Variants in PTGFRN observed in about 807,000 individuals in gnomAD.
The protein encoded by PTGFRN is prostaglandin F2 receptor inhibitor.
PTGFRN carries 35 observed loss-of-function variants against 83.2 expected under a neutral mutation model. That is an observed-to-expected ratio of 0.42 (90% CI 0.32 to 0.56). The LOEUF (loss-of-function observed/expected upper bound fraction) is 0.56, where lower values mean the gene tolerates loss of function less well. Ranked by LOEUF, PTGFRN falls within the 20% of genes least tolerant of loss-of-function variation. The probability of loss-of-function intolerance (pLI) is 0.11; values close to 1 mark genes in which losing one functional copy is unlikely to be tolerated. For synonymous variants in PTGFRN, 519 were observed against 498.6 expected, an observed-to-expected ratio of 1.04 and a Z score of -0.55; for missense variants, 1,051 against 1,179.5, an observed-to-expected ratio of 0.89 and a Z score of 1.60.
intron 7 of PTGFRN, among the ~76,000 whole-genome samples, chr1:116,984,001 G>A (rs1651392581): frequency 6.6e-6 from 1 of 152,192 alleles, no homozygotes; most frequent in South Asian, 2.1e-4. Flanking sequence ...GAGGCTGTTA[G>A]AATCTTAATT....
intron 8 of PTGFRN, among the ~76,000 whole-genome samples, chr1:116,985,577 C>A (rs1651447445): frequency 6.6e-6 from 1 of 151,958 alleles, no homozygotes; most frequent in Admixed American, 6.6e-5. Flanking sequence ...GGAGTGGTGG[C>A]GGGTGCCTGT....
At chr1:116,914,549 G>A (rs765164243) in intron 1 of PTGFRN, among the ~76,000 whole-genome samples, 2 of 152,064 alleles carry the variant, frequency 1.3e-5, no homozygotes, top group Non-Finnish European at 1.5e-5. Context: ...TCAGGAGATC[G>A]AGACCGGCCT....
chr1:116,948,552 G>C (rs996025787), intron 3 of PTGFRN, among the ~76,000 whole-genome samples: 1 of 152,100 alleles, frequency 6.6e-6, no homozygotes, highest in African/African-American at 2.4e-5. Flanking sequence ...TCACTTTCCT[G>C]GCCCTTCTGT....
chr1:116,948,569 T>C (rs1650258178), intron 3 of PTGFRN, among the ~76,000 whole-genome samples: 2 of 152,200 alleles, frequency 1.3e-5, no homozygotes, highest in African/African-American at 4.8e-5. Flanking sequence ...CTGTTTAGGA[T>C]TTTTCCCTTT....
rs1650074056 is a variant in PTGFRN at position 116,941,939 on chromosome 1, A to T, written c.274A>T (p.Ile92Phe). 6.2e-7 allele frequency: 1 copy of T among 1,614,178 alleles called. No homozygotes were observed. Among genetic ancestry groups the T allele is most frequent in the Non-Finnish European group, 8.5e-7 (1 of 1,180,026 alleles). ...CCAGGAGCGGCTGCAGAGGGGCGAGATCCTGTTAAGGCGGACTGCCAACGA... is the reference window on the plus strand; with the variant it reads ...CCAGGAGCGGCTGCAGAGGGGCGAGTTCCTGTTAAGGCGGACTGCCAACGA... ...LYQERLQRGE[I>F]LLRRTANDAV... The change falls in exon 2 of 9, where the codon ATC becomes TTC. Residue 92 changes from isoleucine to phenylalanine, a missense_variant. By Grantham distance (21) the Ile-to-Phe change is conservative (BLOSUM62 0). Coordinates refer to ENST00000393203, the MANE Select transcript of PTGFRN (RefSeq NM_020440.4). The surrounding 1 kb of genome is among the most constrained non-coding windows in gnomAD (Gnocchi z 5.0).
chr1:116,969,666 A>G (rs140541504), intron 6 of PTGFRN, among the ~76,000 whole-genome samples: 126 of 152,230 alleles, frequency 8.3e-4, no homozygotes, highest in African/African-American at 3.0e-3. Context: ...GATTGTGTTA[A>G]CTCTGTAGAT....
chr1:116,920,798 A>G (rs1649516280), intron 1 of PTGFRN, among the ~76,000 whole-genome samples: 1 of 152,006 alleles, frequency 6.6e-6, no homozygotes, highest in Non-Finnish European at 1.5e-5. Flanking sequence ...TAATTTTTGT[A>G]TTTCTAGTAG....
chr1:116,944,797 G>A lies in PTGFRN; in HGVS notation c.537G>A (p.Thr179=), dbSNP rs1245065057. 6.4e-7 allele frequency: 1 copy of A among 1,566,626 alleles called. No individual in the cohort carries two copies. Among genetic ancestry groups the A allele is most frequent in the Non-Finnish European group, 8.6e-7 (1 of 1,160,052 alleles). ...CTAASASPLH[T]HLALLWEVHR... Reference sequence around the variant, plus strand: ...CCGCCTCCGCCTCGCCGCTGCACACGCACCTGGCGCTGCTGTGGGAGGTGC... The same window carrying A: ...CCGCCTCCGCCTCGCCGCTGCACACACACCTGGCGCTGCTGTGGGAGGTGC... The change falls in exon 3 of 9, where the codon ACG becomes ACA. Residue 179 remains threonine, a synonymous_variant. Coordinates refer to ENST00000393203, the MANE Select transcript of PTGFRN (RefSeq NM_020440.4).
chr1:116,910,486 C>T (rs1454845284), intron 1 of PTGFRN, among the ~76,000 whole-genome samples: 1 of 151,710 alleles, frequency 6.6e-6, no homozygotes, highest in East Asian at 1.9e-4. Flanking sequence ...GGCCGCTCCG[C>T]CAGGCCGAGC....
rs1127656 is a variant in PTGFRN, at chr1:116,987,889, C to T, written c.*922C>T. On this transcript the variant is annotated 3_prime_UTR_variant, in exon 9 of 9. Transcript: ENST00000393203. ...GAGGGATCCCACGAAGTTATTCTTA[C>T]GCAGCTGGGGCCAGGAGGGTCAGAG... is the stretch of plus-strand genomic sequence containing the variant. 0.55 allele frequency: 83,071 copies of T among 151,796 alleles called. 22,889 individuals carry two copies. The highest frequency in any genetic ancestry group is 0.66 in the East Asian group (3,401 of 5,124). The allele number at this position is 151,796 out of a possible 1,614,324, so 9.4% of individuals were successfully genotyped here. A position where few individuals can be genotyped will look rare whatever the true frequency, so the allele number is the denominator to read the frequency against.
chr1:116,945,484 C>G (rs184686072), intron 3 of PTGFRN, among the ~76,000 whole-genome samples: 1 of 152,126 alleles, frequency 6.6e-6, no homozygotes, highest in African/African-American at 2.4e-5. Flanking sequence ...TAAACTTTAT[C>G]GGGTTTGATG....
At chr1:116,921,667 A>G (rs1263370631) in intron 1 of PTGFRN, among the ~76,000 whole-genome samples, 1 of 152,128 alleles carries the variant, frequency 6.6e-6, no homozygotes, top group Non-Finnish European at 1.5e-5. Flanking sequence ...CATTAAGGGA[A>G]TATTGACTCT....
rs1258044406 is a variant in PTGFRN, at chr1:116,989,016, G to A, written c.*2049G>A. On this transcript the variant is annotated 3_prime_UTR_variant, in exon 9 of 9. Coordinates refer to ENST00000393203, the MANE Select transcript of PTGFRN (RefSeq NM_020440.4). ...GAGAACAGATATTTAAACAGGTGCT[G>A]TATTAGTAACAGCCAGTGCCCTTTC... 1.3e-5 allele frequency: 2 copies of A among 152,242 alleles called. No homozygotes were observed. Among genetic ancestry groups the A allele is most frequent in the African/African-American group, 2.4e-5 (1 of 41,460 alleles). The allele number at this position is 152,242 out of a possible 1,614,324, so 9.4% of individuals were successfully genotyped here. A position where few individuals can be genotyped will look rare whatever the true frequency, so the allele number is the denominator to read the frequency against.
At position 116,958,890 on chromosome 1, in the gene PTGFRN, G is replaced by T. The variant is rs1401717545; in HGVS notation, c.1214-2353G>T. Among the ~76,000 whole-genome samples the T allele has an allele frequency of 6.6e-6, 1 of 152,192 alleles. No homozygotes were observed. The highest frequency in any genetic ancestry group is 6.5e-5 in the Admixed American group (1 of 15,284). On this transcript the variant is annotated intron_variant, in intron 4 of 8. Coordinates refer to ENST00000393203, the MANE Select transcript of PTGFRN (RefSeq NM_020440.4). This position sits in a 1 kb window ranked among gnomAD's most constrained non-coding sequence, Gnocchi z 4.9. ...TCATGCCACACAGGAAGGGTCTTAT[G>T]TGTTGTGCTTGAAATGGACTTGAGG... is the stretch of plus-strand genomic sequence containing the variant.
intron 7 of PTGFRN, 126 bp downstream of exon 7, chr1:116,974,449 C>G: frequency 1.4e-6 from 1 of 706,900 alleles, no homozygotes; most frequent in Non-Finnish European, 2.4e-6. Context: ...AACTGCCTGG[C>G]CCAGTACTTT....
intron 7 of PTGFRN, among the ~76,000 whole-genome samples, chr1:116,977,731 G>A (rs1170749639): frequency 6.6e-6 from 1 of 152,132 alleles, no homozygotes; most frequent in Non-Finnish European, 1.5e-5. Context: ...AGTGTGTAGA[G>A]GGAAATTTAT....
chr1:116,922,432 T>G (rs1649559138), intron 1 of PTGFRN, among the ~76,000 whole-genome samples: 1 of 152,186 alleles, frequency 6.6e-6, no homozygotes, highest in Non-Finnish European at 1.5e-5. Flanking sequence ...CGGAGTCCTA[T>G]TTTCATTACC....
chr1:116,977,798 C>G (rs1651198395), intron 7 of PTGFRN, among the ~76,000 whole-genome samples: 1 of 152,152 alleles, frequency 6.6e-6, no homozygotes, highest in East Asian at 1.9e-4. Flanking sequence ...ACCCTAACAT[C>G]ACAATTAAAA....
At chr1:116,914,924 T>C (rs970216765) in intron 1 of PTGFRN, among the ~76,000 whole-genome samples, 2 of 152,218 alleles carry the variant, frequency 1.3e-5, no homozygotes, top group Middle Eastern at 3.2e-3. Flanking sequence ...TATTTCTCGA[T>C]TGCATATCAA....
Sources: allele counts gnomAD v4.1 joint callset (sites outside exome capture counted in the v4.1 genomes callset), GRCh38; gene constraint gnomAD v4.1.1; non-coding constraint Gnocchi (gnomAD v3.1); transcripts MANE v1.5; gene names NCBI Gene and HGNC (gene_info 2026-07-23, HGNC 2026-07-21).